GUCA1A: variants seen among roughly 807,000 people sequenced by gnomAD.
GUCA1A encodes guanylyl cyclase-activating protein 1.
In GUCA1A, 14 loss-of-function variants were observed where a neutral mutation model predicts 18.5. That is an observed-to-expected ratio of 0.76 (90% CI 0.50 to 1.18). GUCA1A has a LOEUF of 1.18. Ranked by LOEUF, GUCA1A falls within the 50% of genes most tolerant of loss-of-function variation. GUCA1A has a pLI of 0.00. For synonymous variants in GUCA1A, 97 were observed against 100.2 expected (o/e 0.97, Z 0.19); for missense variants, 264 against 262.4 (o/e 1.01, Z -0.04).
chr6:42,178,231 G>C (rs1161734018), intron 1 of GUCA1A, 49 bp from the exon 2 acceptor site: 1 of 1,608,406 alleles, frequency 6.2e-7, no homozygotes, highest in South Asian at 1.1e-5. Context: ...CCTGAGGCTG[G>C]AGTGAGCGGG....
chr6:42,179,520 C>G lies in GUCA1A; in HGVS notation c.*117C>G, dbSNP rs1768063752. Reference sequence around the variant, plus strand: ...ATGAACTCAGAGGCTTAGCTCGCCTCTTTAGGGTCCATGGTGGCAGCAGAG... The same window carrying G: ...ATGAACTCAGAGGCTTAGCTCGCCTGTTTAGGGTCCATGGTGGCAGCAGAG... On this transcript the variant is annotated 3_prime_UTR_variant, in exon 4 of 4. Coordinates refer to ENST00000372958, the MANE Select transcript of GUCA1A (RefSeq NM_001384910.1). The G allele has an allele frequency of 5.9e-6, 5 of 847,318 alleles. No homozygotes were observed. The highest frequency in any genetic ancestry group is 5.8e-5 in the Admixed American group (2 of 34,684). The allele number at this position is 847,318 out of a possible 1,614,324, so 52.5% of individuals were successfully genotyped here. A position where few individuals can be genotyped will look rare whatever the true frequency, so the allele number is the denominator to read the frequency against.
At chr6:42,177,140 A>G (rs576773943) in intron 1 of GUCA1A, among the ~76,000 whole-genome samples, 1 of 152,298 alleles carries the variant, frequency 6.6e-6, no homozygotes, top group East Asian at 1.9e-4. Flanking sequence ...TGACAATCAC[A>G]CAGGTGCACA....
Position 42,178,890 on chromosome 6 carries a change from G to A in GUCA1A, c.440G>A (p.Gly147Glu), listed in dbSNP as rs778908498. 24 of 1,610,404 alleles carry A rather than the reference G, an allele frequency of 1.5e-5. No individual in the cohort carries two copies. Among genetic ancestry groups the A allele is most frequent in the Non-Finnish European group, 2.0e-5 (24 of 1,176,712 alleles). Residue 147 changes from glycine to glutamate, a missense_variant, in exon 3 of 4, where the codon GGG (glycine) becomes GAG (glutamate). Transcript: ENST00000372958. ...GTGTTCTCCAAGATTGACGTCAACG[G>A]GGATGGTGAGGGGGCCGAGGAGGGG... ...DTVFSKIDVN[G>E]DGELSLEEFI... is the part of the protein sequence containing the mutation.
rs758207405 is a variant in GUCA1A at position 42,178,265 on chromosome 6, G to C, written c.202-15G>C. 29 of 1,612,592 alleles carry C rather than the reference G, an allele frequency of 1.8e-5. No individual in the cohort carries two copies. The East Asian group carries it at 5.3e-4, about 30-fold the overall frequency. ...GGGCCCGGATGGGCTCACGGCGGCC[G>C]CGCCCCTCGCCCAGGACGGCTACAT... On this transcript the variant is annotated splice_polypyrimidine_tract_variant and intron_variant, in intron 1 of 3. Coordinates refer to ENST00000372958, the MANE Select transcript of GUCA1A (RefSeq NM_001384910.1).
chr6:42,176,117 C>T (rs111758778), intron 1 of GUCA1A, among the ~76,000 whole-genome samples: 8 of 152,206 alleles, frequency 5.3e-5, no homozygotes, highest in African/African-American at 1.9e-4. Context: ...CTGTTGAATC[C>T]CTGGTTCCTA....
At chr6:42,176,687 G>A (rs1767970591) in intron 1 of GUCA1A, among the ~76,000 whole-genome samples, 1 of 152,160 alleles carries the variant, frequency 6.6e-6, no homozygotes, top group Non-Finnish European at 1.5e-5. Context: ...ACCTGCCTCG[G>A]CCTCCCAAAG....
At chr6:42,173,907 A>G in intron 1 of GUCA1A, 93 bp downstream of exon 1, 1 of 942,888 alleles carries the variant, frequency 1.1e-6, no homozygotes, top group South Asian at 1.3e-5. Context: ...AGAGAGGAGC[A>G]TAGAAGTGTC....
chr6:42,177,414 A>G (rs566103628), intron 1 of GUCA1A, among the ~76,000 whole-genome samples: 48 of 152,288 alleles, frequency 3.2e-4, no homozygotes, highest in African/African-American at 1.1e-3. Context: ...GCATACCACA[A>G]TCTTGAAAAG....
rs564137815 is a variant in GUCA1A, at chr6:42,178,558, A to G, written c.351+129A>G. On this transcript the variant is annotated intron_variant, in intron 2 of 3. Coordinates refer to ENST00000372958, the MANE Select transcript of GUCA1A (RefSeq NM_001384910.1). Reference sequence around the variant, plus strand: ...GACTGAGGATCCTGGTGGCAGCTGTAGGCCTCACCAGCTGCGTGACCCAGG... The same window carrying G: ...GACTGAGGATCCTGGTGGCAGCTGTGGGCCTCACCAGCTGCGTGACCCAGG... The G allele has an allele frequency of 4.2e-6, 4 of 950,714 alleles. No homozygotes were observed. The African/African-American group carries it at 6.4e-5, about 15-fold the overall frequency. 58.9% of individuals were successfully genotyped at this position (950,714 alleles called of 1,614,324 possible). A position where few individuals can be genotyped will look rare whatever the true frequency, so the allele number is the denominator to read the frequency against.
chr6:42,178,758 A>G (rs1450886038), intron 2 of GUCA1A, 44 bp from the exon 3 acceptor site: 1 of 1,418,764 alleles, frequency 7.0e-7, no homozygotes, highest in Admixed American at 1.7e-5. Flanking sequence ...CTGAGATAGG[A>G]TAAGGATGGG....
At chr6:42,174,788 C>G (rs913885864) in intron 1 of GUCA1A, among the ~76,000 whole-genome samples, 1 of 152,226 alleles carries the variant, frequency 6.6e-6, no homozygotes, top group Non-Finnish European at 1.5e-5. Flanking sequence ...AAACGTGGCT[C>G]CCCACCCTGT....
chr6:42,173,675 G>A lies in GUCA1A; in HGVS notation c.62G>A (p.Trp21Ter). The A allele has an allele frequency of 6.2e-7, 1 of 1,614,084 alleles. No homozygotes were observed. The highest frequency in any genetic ancestry group is 1.3e-5 in the African/African-American group (1 of 75,070). Residue 21 changes from tryptophan to a stop codon, truncating the protein, a stop_gained, in exon 1 of 4, where the codon TGG becomes TAG. Coordinates refer to ENST00000372958, the MANE Select transcript of GUCA1A (RefSeq NM_001384910.1). LOFTEE classifies it high-confidence loss of function. ...CTGAGCAGCACCGAGTGCCACCAGT[G>A]GTACAAGAAGTTCATGACTGAGTGC... ...EELSSTECHQ[W>*]YKKFMTECPS...
In GUCA1A at chr6:42,174,899, C is replaced by T. The variant is rs1402649434; in HGVS notation, c.201+1085C>T. ...CCTCGCTGCCCAGAAGGTCCAGGCA[C>T]CATCATGGGTGGGGCTTCTTGGGAA... On this transcript the variant is annotated intron_variant, in intron 1 of 3. Coordinates refer to ENST00000372958, the MANE Select transcript of GUCA1A (RefSeq NM_001384910.1). Among the ~76,000 whole-genome samples, 3 of 152,350 alleles carry T rather than the reference C, an allele frequency of 2.0e-5. No homozygotes were observed. The East Asian group carries it at 5.8e-4, about 29-fold the overall frequency.
At chr6:42,178,453 G>A (rs201360179) in intron 2 of GUCA1A, 24 bp downstream of exon 2, 279 of 1,606,234 alleles carry the variant, frequency 1.7e-4, no homozygotes, top group Admixed American at 3.3e-5. Flanking sequence ...GGCCAGGGCT[G>A]GGGGCAGCGG....
chr6:42,175,421 C>T (rs1021136597), intron 1 of GUCA1A, among the ~76,000 whole-genome samples: 3 of 131,192 alleles, frequency 2.3e-5, no homozygotes, highest in Non-Finnish European at 4.6e-5. Flanking sequence ...AGTGCAGTGG[C>T]GTGATCTCGG....
intron 1 of GUCA1A, among the ~76,000 whole-genome samples, chr6:42,175,179 G>C (rs1285230425): frequency 6.6e-6 from 1 of 151,960 alleles, no homozygotes; most frequent in Non-Finnish European, 1.5e-5. Flanking sequence ...ATGGATGGTT[G>C]AGCCTCACAC....
chr6:42,179,027 C>T (rs1242544481), intron 3 of GUCA1A, 132 bp downstream of exon 3: 6 of 873,308 alleles, frequency 6.9e-6, no homozygotes, highest in African/African-American at 1.7e-5. Flanking sequence ...TGGTCACTTC[C>T]TCCACCTGCC....
chr6:42,173,889 G>T, intron 1 of GUCA1A, 75 bp downstream of exon 1: 1 of 1,104,734 alleles, frequency 9.1e-7, no homozygotes, highest in Non-Finnish European at 1.4e-6. Flanking sequence ...CTGGGGGTGA[G>T]GAAGAGCAGA....
chr6:42,177,249 C>A (rs1168324242), intron 1 of GUCA1A, among the ~76,000 whole-genome samples: 1 of 152,152 alleles, frequency 6.6e-6, no homozygotes, highest in East Asian at 1.9e-4. Context: ...TCTCTCTCAA[C>A]TTTGGCTTTG....
Sources: gnomAD v4.1 joint callset for allele counts (sites outside exome capture counted in the v4.1 genomes callset) on GRCh38, gnomAD v4.1.1 for gene constraint, MANE v1.5 for transcripts, NCBI Gene and HGNC (gene_info 2026-07-23, HGNC 2026-07-21) for gene names.